The following PGBD2 variants were observed in gnomAD, a reference collection of about 807,000 sequenced individuals.
The protein encoded by PGBD2 is piggyBac transposable element derived 2, also known as piggyBac transposable element-derived protein 2.
Under a neutral mutation model 8.1 loss-of-function variants are expected in PGBD2, and 6 were observed. The observed-to-expected ratio is 0.74, with a 90% CI of 0.40 to 1.46. The LOEUF (loss-of-function observed/expected upper bound fraction) is 1.46, where lower values mean the gene tolerates loss of function less well. Among genes scored for constraint, PGBD2 ranks in the 40% most tolerant of loss-of-function variants. The pLI, the probability that PGBD2 is intolerant of heterozygous loss-of-function variation, is 0.02. For missense variants in PGBD2, 802 were observed against 739.0 expected (o/e 1.09, Z -0.99); for synonymous variants, 318 against 272.2 (o/e 1.17, Z -1.66).
At chr1:248,913,955 A>G (rs1275129076) in intron 2 of PGBD2, 76 bp downstream of exon 2, 22 of 1,252,682 alleles carry the variant, frequency 1.8e-5, no homozygotes, top group Non-Finnish European at 2.5e-5. Flanking sequence ...GGTCCATGAC[A>G]TTTTTAGCTC....
upstream of PGBD2, among the ~76,000 whole-genome samples, chr1:248,902,623 A>G (rs149139394): frequency 4.6e-4 from 70 of 152,370 alleles, 2 homozygotes; most frequent in East Asian, 0.013. Context: ...TAGACTGGAT[A>G]AAGAAAATGT....
At position 248,918,518 on chromosome 1, in the gene PGBD2, T is replaced by A. The variant is rs950521076; in HGVS notation, c.*155T>A. 1 of 616,630 alleles carries A rather than the reference T, an allele frequency of 1.6e-6. No homozygotes were observed. The highest frequency in any genetic ancestry group is 2.7e-6 in the Non-Finnish European group (1 of 372,746). The allele number at this position is 616,630 out of a possible 1,614,324, so 38.2% of individuals were successfully genotyped here. A position where few individuals can be genotyped will look rare whatever the true frequency, so the allele number is the denominator to read the frequency against. ...CTACCCACAATACAGTTATCTTTTT[T>A]ATTGTGTTGTGTTATGCCTACATGT... On this transcript the variant is annotated 3_prime_UTR_variant, in exon 3 of 3. Transcript: ENST00000329291.
chr1:248,918,424 G>A lies in PGBD2; in HGVS notation c.*61G>A, dbSNP rs1324404248. Reference sequence around the variant, plus strand: ...TGTTTACAGTTAAATACAGATGGCAGTTGAGCACTTCTGTTTTGTGTTGGA... The same window carrying A: ...TGTTTACAGTTAAATACAGATGGCAATTGAGCACTTCTGTTTTGTGTTGGA... On this transcript the variant is annotated 3_prime_UTR_variant, in exon 3 of 3. Transcript: ENST00000329291. 1.1e-5 allele frequency: 16 copies of A among 1,467,248 alleles called. No individual in the cohort carries two copies. Among genetic ancestry groups the A allele is most frequent in the Non-Finnish European group, 1.5e-5 (16 of 1,095,180 alleles). 90.9% of individuals were successfully genotyped at this position (1,467,248 alleles called of 1,614,324 possible). A position where few individuals can be genotyped will look rare whatever the true frequency, so the allele number is the denominator to read the frequency against.
the PGBD2 span, among the ~76,000 whole-genome samples, chr1:248,890,021 G>C: frequency 1.3e-5 from 2 of 148,700 alleles, no homozygotes; most frequent in Non-Finnish European, 1.5e-5. Context: ...TCCACCTCCC[G>C]GGTTCAAGTG....
the PGBD2 span, among the ~76,000 whole-genome samples, chr1:248,873,605 G>C: frequency 1.8e-4 from 27 of 152,204 alleles, 3 homozygotes; most frequent in Admixed American, 1.3e-3. Context: ...GCGTTTGCGG[G>C]GCCAGGCGCT....
At chr1:248,927,221 A>G in the PGBD2 span, among the ~76,000 whole-genome samples, 1 of 152,166 alleles carries the variant, frequency 6.6e-6, no homozygotes, top group Admixed American at 6.5e-5. Flanking sequence ...GAGAGATGGG[A>G]CAGGGAGTTC....
downstream of PGBD2, among the ~76,000 whole-genome samples, chr1:248,923,121 G>A (rs2103122377): frequency 1.3e-5 from 2 of 152,290 alleles, no homozygotes; most frequent in South Asian, 4.1e-4. Context: ...ATTAATTACA[G>A]TCTCAATTTC....
the PGBD2 span, among the ~76,000 whole-genome samples, chr1:248,895,345 A>G: frequency 1.3e-5 from 2 of 152,160 alleles, no homozygotes; most frequent in African/African-American, 4.8e-5. Context: ...CTATACTGCC[A>G]GCCCAACCTG....
At chr1:248,912,173 C>G in intron 1 of PGBD2, among the ~76,000 whole-genome samples, 1 of 152,088 alleles carries the variant, frequency 6.6e-6, no homozygotes, top group East Asian at 1.9e-4. Flanking sequence ...TGCAAATCCC[C>G]CTACTCCTAT....
chr1:248,911,433 G>T (rs1363091216), intron 1 of PGBD2, among the ~76,000 whole-genome samples: 1 of 149,070 alleles, frequency 6.7e-6, no homozygotes, highest in Non-Finnish European at 1.5e-5. Context: ...CAGGGTTGGG[G>T]GTAAGGTCAC....
chr1:248,874,955 T>TAGATAGATAGAC, the PGBD2 span, among the ~76,000 whole-genome samples: 1 of 138,624 alleles, frequency 7.2e-6, no homozygotes, highest in African/African-American at 2.9e-5. Context: ...GATAGATAGA[T>TAGATAGATAGAC]AGACAAATAG....
upstream of PGBD2, among the ~76,000 whole-genome samples, chr1:248,902,413 C>T (rs1661551244): frequency 6.6e-6 from 1 of 152,176 alleles, no homozygotes; most frequent in African/African-American, 2.4e-5. Context: ...TAAATCAGTT[C>T]AACCATTGTG....
chr1:248,875,409 G>T, the PGBD2 span, among the ~76,000 whole-genome samples: 1 of 151,250 alleles, frequency 6.6e-6, no homozygotes, highest in African/African-American at 2.4e-5. Context: ...ATTACTCCAT[G>T]TCACACCTAA....
chr1:248,920,967 C>A (rs935838961), downstream of PGBD2, among the ~76,000 whole-genome samples: 2 of 149,456 alleles, frequency 1.3e-5, no homozygotes, highest in Non-Finnish European at 3.0e-5. Flanking sequence ...TGTTCATATT[C>A]TTTGCCTACT....
At chr1:248,912,789 T>A (rs866553787) in intron 1 of PGBD2, 54 of 151,238 alleles carry the variant, frequency 3.6e-4, no homozygotes, top group African/African-American at 1.3e-3. Context: ...GCTGCCGAAG[T>A]GAGCGCTCAG....
chr1:248,883,417 C>T, the PGBD2 span, among the ~76,000 whole-genome samples: 25 of 151,882 alleles, frequency 1.6e-4, no homozygotes, highest in African/African-American at 6.0e-4. Flanking sequence ...CCACTGCACC[C>T]GGTCCTTTGC....
intron 1 of PGBD2, among the ~76,000 whole-genome samples, chr1:248,911,046 A>C (rs1362200920): frequency 1.3e-5 from 2 of 151,056 alleles, no homozygotes; most frequent in Non-Finnish European, 2.9e-5. Context: ...TTGCCCCCCC[A>C]TCTCGAGCAC....
the PGBD2 span, among the ~76,000 whole-genome samples, chr1:248,890,956 C>G: frequency 0.013 from 1,901 of 151,566 alleles, 49 homozygotes; most frequent in African/African-American, 0.043. Context: ...AGCCACACCT[C>G]TCTACACACC....
downstream of PGBD2, among the ~76,000 whole-genome samples, chr1:248,920,202 T>C (rs1159120260): frequency 2.0e-5 from 3 of 152,024 alleles, no homozygotes; most frequent in African/African-American, 7.3e-5. Flanking sequence ...GAATGTGCAG[T>C]TTTTGTTACA....
Sources: gnomAD v4.1 joint callset for allele counts (sites outside exome capture counted in the v4.1 genomes callset) on GRCh38, gnomAD v4.1.1 for gene constraint, MANE v1.5 for transcripts, NCBI Gene and HGNC (gene_info 2026-07-23, HGNC 2026-07-21) for gene names.